PDE3A: variants seen among roughly 807,000 people sequenced by gnomAD.
PDE3A encodes the protein phosphodiesterase 3A.
Under a neutral mutation model 98.3 loss-of-function variants are expected in PDE3A, and 43 were observed. The observed-to-expected ratio is 0.44, with a 90% confidence interval of 0.34 to 0.56. The LOEUF (loss-of-function observed/expected upper bound fraction) is 0.56. PDE3A is among the 20% of genes least tolerant of loss of function. PDE3A has a pLI of 0.01. For synonymous variants in PDE3A, 663 were observed against 567.9 expected (o/e 1.17, Z -2.38); for missense variants, 1,427 against 1,440.7 (o/e 0.99, Z 0.15).
chr12:20,381,451 G>T (rs1416346994), intron 1 of PDE3A, among the ~76,000 whole-genome samples: 2 of 151,792 alleles, frequency 1.3e-5, no homozygotes, highest in Admixed American at 1.3e-4. Context: ...ATTAGTGCAT[G>T]TAAAAACTAG....
At chr12:20,513,628 T>TA (rs1332895311) in intron 1 of PDE3A, among the ~76,000 whole-genome samples, 1 of 152,168 alleles carries the variant, frequency 6.6e-6, no homozygotes, top group African/African-American at 2.4e-5. Flanking sequence ...AAAATTACTT[T>TA]AGCATTTTCA....
At chr12:20,400,400 T>G (rs59144683) in intron 1 of PDE3A, among the ~76,000 whole-genome samples, 195 of 123,300 alleles carry the variant, frequency 1.6e-3, no homozygotes, top group Non-Finnish European at 2.3e-3. Context: ...TTTTTTTTTT[T>G]TTTTTTTTTT....
intron 2 of PDE3A, among the ~76,000 whole-genome samples, chr12:20,600,122 C>T (rs1442318004): frequency 1.3e-5 from 2 of 152,156 alleles, no homozygotes; most frequent in Non-Finnish European, 2.9e-5. Context: ...GCTCTAGCCT[C>T]AGTATACTCC....
At chr12:20,442,045 A>G (rs537878613) in intron 1 of PDE3A, among the ~76,000 whole-genome samples, 2 of 152,220 alleles carry the variant, frequency 1.3e-5, no homozygotes, top group East Asian at 1.9e-4. Context: ...GGATCCATCT[A>G]TTCTGCTCTG....
At chr12:20,594,405 C>A (rs541596209) in intron 2 of PDE3A, among the ~76,000 whole-genome samples, 2 of 152,186 alleles carry the variant, frequency 1.3e-5, no homozygotes, top group African/African-American at 2.4e-5. Context: ...TTAAGAAGTC[C>A]TTTCTATATT....
chr12:20,381,854 A>T (rs1252621710), intron 1 of PDE3A, among the ~76,000 whole-genome samples: 2 of 151,764 alleles, frequency 1.3e-5, no homozygotes, highest in Non-Finnish European at 2.9e-5. Context: ...GTATGACTAG[A>T]TTCTTCTTTT....
chr12:20,495,698 A>G (rs1945907867), intron 1 of PDE3A, among the ~76,000 whole-genome samples: 1 of 152,220 alleles, frequency 6.6e-6, no homozygotes, highest in Non-Finnish European at 1.5e-5. Flanking sequence ...TTCAAGTTGC[A>G]GAACATCTCT....
chr12:20,679,286 T>C (rs1364934395), intron 15 of PDE3A, among the ~76,000 whole-genome samples: 2 of 152,178 alleles, frequency 1.3e-5, no homozygotes, highest in African/African-American at 4.8e-5. Context: ...CTCGCTCTGT[T>C]GCCCAGGCTG....
chr12:20,484,726 A>G (rs1197927612), intron 1 of PDE3A, among the ~76,000 whole-genome samples: 1 of 152,220 alleles, frequency 6.6e-6, no homozygotes, highest in East Asian at 1.9e-4. Context: ...TGGCCTCAGA[A>G]TTTGAAAGTA....
At chr12:20,569,797 A>AAAAGT (rs1173481511) in intron 2 of PDE3A, among the ~76,000 whole-genome samples, 1 of 152,162 alleles carries the variant, frequency 6.6e-6, no homozygotes, top group Non-Finnish European at 1.5e-5. Context: ...TGAAGAAACA[A>AAAAGT]AAAGTAAGAT....
chr12:20,429,627 G>A (rs1944661499), intron 1 of PDE3A, among the ~76,000 whole-genome samples: 1 of 152,126 alleles, frequency 6.6e-6, no homozygotes, highest in Admixed American at 6.5e-5. Flanking sequence ...TAACTTAGAA[G>A]GTAGATATTG....
chr12:20,523,143 A>G (rs1946459758), intron 1 of PDE3A, among the ~76,000 whole-genome samples: 2 of 152,050 alleles, frequency 1.3e-5, no homozygotes, highest in African/African-American at 2.4e-5. Context: ...TGATCTTGAG[A>G]TTGATATGTT....
intron 1 of PDE3A, among the ~76,000 whole-genome samples, chr12:20,538,821 T>C (rs529504335): frequency 6.6e-6 from 1 of 152,216 alleles, no homozygotes; most frequent in Admixed American, 6.5e-5. Context: ...ATTTCTAAAA[T>C]TTTTTGTAGA....
At chr12:20,448,977 C>T (rs768235579) in intron 1 of PDE3A, among the ~76,000 whole-genome samples, 34 of 152,176 alleles carry the variant, frequency 2.2e-4, no homozygotes, top group South Asian at 6.2e-4. Context: ...TGGTTTCCTA[C>T]TTCCTCCATT....
chr12:20,636,380 C>A (rs895416198), intron 8 of PDE3A, among the ~76,000 whole-genome samples: 1 of 152,094 alleles, frequency 6.6e-6, no homozygotes, highest in African/African-American at 2.4e-5. Flanking sequence ...TCAGAGAGAT[C>A]GTCAGGTAAA....
intron 1 of PDE3A, among the ~76,000 whole-genome samples, chr12:20,443,364 T>C (rs11045248): frequency 0.17 from 25,510 of 152,094 alleles, 2,369 homozygotes; most frequent in Admixed American, 0.26. Context: ...CGTAAGGGGA[T>C]ATGGCTGACA....
Position 20,422,306 on chromosome 12 carries a change from T to C in PDE3A, c.960+52062T>C, listed in dbSNP as rs1042530535. Reference sequence around the variant, plus strand: ...TTGCAGTGAGCCAAGATCGCACCACTGCACTCCAGCCTGGGCAACAGAGCG... The same window carrying C: ...TTGCAGTGAGCCAAGATCGCACCACCGCACTCCAGCCTGGGCAACAGAGCG... On this transcript the variant is annotated intron_variant, in intron 1 of 15. Coordinates refer to ENST00000359062, the MANE Select transcript of PDE3A (RefSeq NM_000921.5). 4.6e-5 allele frequency among the ~76,000 whole-genome samples: 7 copies of C among 151,644 alleles called. No homozygotes were observed. The South Asian group carries it at 6.3e-4, about 14-fold the overall frequency.
In PDE3A at chr12:20,386,189, ATATAAATATAT is replaced by A. The variant is rs1214361100; in HGVS notation, c.960+15946_960+15956del. 1.5e-3 allele frequency among the ~76,000 whole-genome samples: 142 copies of A among 96,228 alleles called. 1 individual carries two copies. The highest frequency in any genetic ancestry group is 5.2e-3 in the African/African-American group (123 of 23,822). 63.1% of individuals were successfully genotyped at this position (96,228 alleles called of 152,430 possible). A position where few individuals can be genotyped will look rare whatever the true frequency, so the allele number is the denominator to read the frequency against. On this transcript the variant is annotated intron_variant, in intron 1 of 15. Transcript: ENST00000359062. ...AATATATAAAAATATATATAAATAT[ATATAAATATAT>A]AAAAATATATATAAATATATAAAAA...
At chr12:20,632,263 AT>A (rs1944397660) in intron 6 of PDE3A, among the ~76,000 whole-genome samples, 1 of 152,248 alleles carries the variant, frequency 6.6e-6, no homozygotes, top group South Asian at 2.1e-4. Context: ...ACGTTTTTCT[AT>A]TTACACTCAA....
Sources: allele counts gnomAD v4.1 joint callset (sites outside exome capture counted in the v4.1 genomes callset), GRCh38; gene constraint gnomAD v4.1.1; transcripts MANE v1.5; gene names NCBI Gene and HGNC (gene_info 2026-07-23, HGNC 2026-07-21).